SERPINB10: variants seen among roughly 807,000 people sequenced by gnomAD.
SERPINB10 encodes serpin family B member 10, also known as serpin B10.
In SERPINB10, 35 loss-of-function variants were observed where a neutral mutation model predicts 39.1. The observed-to-expected ratio is 0.90, with a 90% CI of 0.68 to 1.19. SERPINB10 has a LOEUF of 1.19. SERPINB10 is among the 50% of genes most tolerant of loss of function. The pLI, the probability that SERPINB10 is intolerant of heterozygous loss-of-function variation, is 0.00. For synonymous variants in SERPINB10, 190 were observed against 158.1 expected, an observed-to-expected ratio of 1.20 and a Z score of -1.52; for missense variants, 546 against 460.5, an observed-to-expected ratio of 1.19 and a Z score of -1.70.
intron 1 of SERPINB10, among the ~76,000 whole-genome samples, chr18:63,914,954 C>A (rs761883103): frequency 1.2e-4 from 18 of 152,052 alleles, no homozygotes; most frequent in Non-Finnish European, 1.8e-4. Flanking sequence ...TTCTCAATTT[C>A]TCTACAAGCA....
intron 6 of SERPINB10, 22 bp from the exon 7 acceptor site, chr18:63,933,026 T>G (rs1415123647): frequency 1.3e-6 from 2 of 1,596,400 alleles, no homozygotes; most frequent in Admixed American, 3.5e-5. Flanking sequence ...TACCTGTTTT[T>G]TTGTTTTTTT....
chr18:63,910,830 G>C (rs766781251), intron 1 of SERPINB10, among the ~76,000 whole-genome samples: 38 of 151,756 alleles, frequency 2.5e-4, no homozygotes, highest in Admixed American at 1.4e-3. Context: ...CCCAGTAATG[G>C]GATTGCTGGG....
intron 5 of SERPINB10, among the ~76,000 whole-genome samples, chr18:63,925,790 A>T (rs1471435597): frequency 6.6e-6 from 1 of 151,990 alleles, no homozygotes; most frequent in Non-Finnish European, 1.5e-5. Context: ...AGGAATTATA[A>T]ATGGATACTA....
intron 1 of SERPINB10, among the ~76,000 whole-genome samples, chr18:63,908,420 C>A (rs568788868): frequency 1.3e-5 from 2 of 152,102 alleles, no homozygotes; most frequent in South Asian, 4.1e-4. Context: ...TCTCTCAGGA[C>A]GGTTGAGCCA....
chr18:63,917,870 G>T (rs539188051), intron 3 of SERPINB10, 95 bp from the exon 4 acceptor site: 159 of 1,147,106 alleles, frequency 1.4e-4, no homozygotes, highest in Non-Finnish European at 1.6e-4. Context: ...ACTTTTGTTT[G>T]CAATTCCCCA....
intron 5 of SERPINB10, among the ~76,000 whole-genome samples, chr18:63,920,778 C>CATTCCAGTCA (rs1440455686): frequency 6.6e-6 from 1 of 151,922 alleles, no homozygotes; most frequent in Non-Finnish European, 1.5e-5. Context: ...TGACCAACCA[C>CATTCCAGTCA]ATTCCAGTCA....
chr18:63,929,196 T>C (rs1224320854), intron 5 of SERPINB10, among the ~76,000 whole-genome samples: 1 of 152,160 alleles, frequency 6.6e-6, no homozygotes, highest in Non-Finnish European at 1.5e-5. Flanking sequence ...TCCATATATG[T>C]ATATATTTTT....
intron 2 of SERPINB10, among the ~76,000 whole-genome samples, chr18:63,916,441 C>T (rs2050103545): frequency 6.6e-6 from 1 of 151,548 alleles, no homozygotes; most frequent in African/African-American, 2.4e-5. Flanking sequence ...AAGGTGACTT[C>T]CTCAGAAAGT....
chr18:63,917,820 A>G (rs935786437), intron 3 of SERPINB10, 145 bp from the exon 4 acceptor site: 118 of 717,572 alleles, frequency 1.6e-4, no homozygotes, highest in Non-Finnish European at 1.9e-4. Context: ...TTGCACTAAC[A>G]CTAAAGAAAA....
intron 5 of SERPINB10, among the ~76,000 whole-genome samples, chr18:63,921,272 T>C (rs1056351319): frequency 1.3e-5 from 2 of 151,928 alleles, no homozygotes; most frequent in African/African-American, 2.4e-5. Context: ...TCCTCTGAAC[T>C]TCAGGGCTCA....
intron 5 of SERPINB10, among the ~76,000 whole-genome samples, chr18:63,923,192 C>T (rs148830464): frequency 6.6e-6 from 1 of 151,998 alleles, no homozygotes; most frequent in African/African-American, 2.4e-5. Context: ...CCTCCTCACT[C>T]TATTCCTCAG....
At chr18:63,912,754 T>G (rs551762509) in intron 1 of SERPINB10, among the ~76,000 whole-genome samples, 8 of 151,890 alleles carry the variant, frequency 5.3e-5, no homozygotes, top group Non-Finnish European at 8.8e-5. Flanking sequence ...TCTATTGTGT[T>G]TTTTCCAGGT....
intron 1 of SERPINB10, among the ~76,000 whole-genome samples, chr18:63,912,368 C>A (rs1236115510): frequency 6.6e-6 from 1 of 151,928 alleles, no homozygotes; most frequent in Non-Finnish European, 1.5e-5. Flanking sequence ...TTCCAGTTCT[C>A]AAGGGGAATG....
Position 63,924,025 on chromosome 18 carries a change from T to C in SERPINB10, c.490+4120T>C, listed in dbSNP as rs139286231. 1.9e-3 allele frequency among the ~76,000 whole-genome samples: 293 copies of C among 152,146 alleles called. 1 individual carries two copies. The Middle Eastern group carries it at 0.02, about 11-fold the overall frequency. On this transcript the variant is annotated intron_variant, in intron 5 of 7. Coordinates refer to ENST00000238508, the MANE Select transcript of SERPINB10 (RefSeq NM_005024.3). ...GATCAGTCAGCTTTATCTGAATATG[T>C]AAATTTTGCTTATTGTTAAGTCTTT... is the stretch of plus-strand genomic sequence containing the variant.
At chr18:63,917,596 T>C (rs1555704373) in intron 3 of SERPINB10, 75 bp downstream of exon 3, 5 of 841,864 alleles carry the variant, frequency 5.9e-6, no homozygotes, top group Non-Finnish European at 7.1e-6. Flanking sequence ...TAGTGATAAC[T>C]GAAGCAACTT....
At chr18:63,913,419 T>C (rs1163059734) in intron 1 of SERPINB10, among the ~76,000 whole-genome samples, 2 of 152,118 alleles carry the variant, frequency 1.3e-5, no homozygotes, top group Admixed American at 6.6e-5. Flanking sequence ...TTTAGTGCTA[T>C]AAACTTTCCT....
intron 1 of SERPINB10, among the ~76,000 whole-genome samples, chr18:63,909,605 A>C (rs73961809): frequency 0.025 from 3,870 of 152,134 alleles, 156 homozygotes; most frequent in African/African-American, 0.088. Context: ...TGTTTTCAGG[A>C]ACATGTTACA....
rs960445657 is a variant in SERPINB10 at position 63,935,975 on chromosome 18, T to C, written c.*733T>C. On this transcript the variant is annotated 3_prime_UTR_variant, in exon 8 of 8. Coordinates refer to ENST00000238508, the MANE Select transcript of SERPINB10 (RefSeq NM_005024.3). ...TCTCTCAATGTTGGTGCCCTAGTTT[T>C]GACAAATGTACCGTGGTCATGTAAG... 6.6e-6 allele frequency: 1 copy of C among 152,254 alleles called. No individual in the cohort carries two copies. The highest frequency in any genetic ancestry group is 1.5e-5 in the Non-Finnish European group (1 of 68,048). The allele number at this position is 152,254 out of a possible 1,614,324, so 9.4% of individuals were successfully genotyped here. A position where few individuals can be genotyped will look rare whatever the true frequency, so the allele number is the denominator to read the frequency against.
intron 6 of SERPINB10, among the ~76,000 whole-genome samples, chr18:63,932,122 T>C (rs62097500): frequency 0.12 from 17,652 of 152,222 alleles, 2,414 homozygotes; most frequent in African/African-American, 0.32. Flanking sequence ...TAGGGTACAA[T>C]TGTACCACAG....
Sources: allele counts gnomAD v4.1 joint callset (sites outside exome capture counted in the v4.1 genomes callset), GRCh38; gene constraint gnomAD v4.1.1; transcripts MANE v1.5; gene names NCBI Gene and HGNC (gene_info 2026-07-23, HGNC 2026-07-21).